Variants in MAF observed in about 807,000 individuals in gnomAD.
The protein encoded by MAF is transcription factor Maf.
In MAF, 10 loss-of-function variants were observed where a neutral mutation model predicts 22.0. That is an observed-to-expected ratio of 0.45 (90% CI 0.28 to 0.77). The LOEUF is 0.77. Ranked by LOEUF, MAF falls within the 30% of genes least tolerant of loss-of-function variation. MAF has a pLI of 0.12. For missense variants in MAF, 544 were observed against 548.4 expected (o/e 0.99, Z 0.08); for synonymous variants, 337 against 255.8 (o/e 1.32, Z -3.03).
downstream of MAF, among the ~76,000 whole-genome samples, chr16:79,584,771 G>C (rs1224522053): frequency 6.6e-6 from 1 of 152,134 alleles, no homozygotes; most frequent in Non-Finnish European, 1.5e-5. Context: ...AGCTATTAAA[G>C]AAAACATTAA....
At chr16:79,211,830 C>A in the MAF span, 3 of 1,613,102 alleles carry the variant, frequency 1.9e-6, no homozygotes, top group Non-Finnish European at 2.5e-6. Context: ...CACACACCCG[C>A]CCTGTGTGTG....
At chr16:79,228,555 T>G in the MAF span, among the ~76,000 whole-genome samples, 1 of 152,100 alleles carries the variant, frequency 6.6e-6, no homozygotes, top group Non-Finnish European at 1.5e-5. Flanking sequence ...TTGATCTTCC[T>G]GATCCCTGAG....
chr16:79,347,119 T>C, the MAF span, among the ~76,000 whole-genome samples: 1 of 152,208 alleles, frequency 6.6e-6, no homozygotes, highest in African/African-American at 2.4e-5. Flanking sequence ...TTCCTGTTCT[T>C]GTGAGAAACT....
the MAF span, among the ~76,000 whole-genome samples, chr16:79,396,799 G>A: frequency 6.6e-6 from 1 of 152,216 alleles, no homozygotes; most frequent in South Asian, 2.1e-4. Flanking sequence ...CCAGTAGCAG[G>A]TTTTTAAAGC....
the MAF span, among the ~76,000 whole-genome samples, chr16:79,374,329 A>G: frequency 6.6e-6 from 1 of 152,036 alleles, no homozygotes; most frequent in Non-Finnish European, 1.5e-5. Flanking sequence ...GTCTTATCTT[A>G]CCTTCTGCAT....
chr16:79,582,173 AC>A (rs1379748489), downstream of MAF, among the ~76,000 whole-genome samples: 5 of 152,142 alleles, frequency 3.3e-5, no homozygotes, highest in African/African-American at 4.8e-5. Context: ...AGAAGCCAAA[AC>A]TGCAGACACA....
rs539852214 is a variant in MAF at position 79,599,075 on chromosome 16, C to T, written c.828G>A (p.Arg276=). ...CCTCCTTGCTGACCCCGCGCAGCTG[C>T]CGGTTCAGCTCGCGCACAGACATGG... is the stretch of plus-strand genomic sequence containing the variant. ...LVTMSVRELN[R]QLRGVSKEEV... The change falls in exon 1 of 2, where the codon CGG becomes CGA. Residue 276 remains arginine, a synonymous_variant. Transcript: ENST00000326043. The T allele has an allele frequency of 2.1e-5, 34 of 1,610,594 alleles. No individual in the cohort carries two copies. The highest frequency in any genetic ancestry group is 3.3e-4 in the Middle Eastern group (2 of 6,052).
the MAF span, among the ~76,000 whole-genome samples, chr16:79,579,030 A>C: frequency 6.6e-6 from 1 of 152,188 alleles, no homozygotes; most frequent in Non-Finnish European, 1.5e-5. Flanking sequence ...CAAACCAGTA[A>C]AAATGCCAAC....
chr16:79,269,529 T>G, the MAF span, among the ~76,000 whole-genome samples: 3 of 152,090 alleles, frequency 2.0e-5, no homozygotes, highest in African/African-American at 7.2e-5. Context: ...GTCACCAGGC[T>G]TTAAAAAAAA....
At chr16:79,242,192 T>C in the MAF span, among the ~76,000 whole-genome samples, 1 of 151,876 alleles carries the variant, frequency 6.6e-6, no homozygotes, top group Non-Finnish European at 1.5e-5. Flanking sequence ...CATAACAGTA[T>C]TAACCTTAAA....
At chr16:79,399,655 A>G in the MAF span, among the ~76,000 whole-genome samples, 2 of 152,196 alleles carry the variant, frequency 1.3e-5, no homozygotes, top group East Asian at 1.9e-4. Context: ...GAAAGAACCA[A>G]TGATACAGTT....
the MAF span, among the ~76,000 whole-genome samples, chr16:79,341,486 G>T: frequency 6.6e-6 from 1 of 152,168 alleles, no homozygotes; most frequent in Non-Finnish European, 1.5e-5. Flanking sequence ...CACCTCTTTG[G>T]TAGATTGATT....
At chr16:79,431,295 G>A in the MAF span, among the ~76,000 whole-genome samples, 1 of 152,182 alleles carries the variant, frequency 6.6e-6, no homozygotes, top group African/African-American at 2.4e-5. Context: ...GGCTGCTGAG[G>A]ACAGAAGTTA....
At chr16:79,339,064 A>T in the MAF span, among the ~76,000 whole-genome samples, 2 of 151,564 alleles carry the variant, frequency 1.3e-5, no homozygotes, top group Middle Eastern at 6.3e-3. Context: ...TTTATTTTTT[A>T]TTTTTTAATT....
the MAF span, among the ~76,000 whole-genome samples, chr16:79,376,114 A>G: frequency 6.6e-6 from 1 of 152,274 alleles, no homozygotes; most frequent in Non-Finnish European, 1.5e-5. Flanking sequence ...TGGAGAGAAA[A>G]AAAAAAGAGC....
the MAF span, among the ~76,000 whole-genome samples, chr16:79,221,261 G>A: frequency 6.6e-6 from 1 of 152,188 alleles, no homozygotes; most frequent in Non-Finnish European, 1.5e-5. Flanking sequence ...GAAGTACTTG[G>A]CTTTGTGCTC....
chr16:79,546,379 A>G, the MAF span, among the ~76,000 whole-genome samples: 1 of 152,124 alleles, frequency 6.6e-6, no homozygotes, highest in East Asian at 1.9e-4. Context: ...CATATAACCT[A>G]ATTTATGCCA....
At chr16:79,487,733 T>A in the MAF span, among the ~76,000 whole-genome samples, 1 of 152,206 alleles carries the variant, frequency 6.6e-6, no homozygotes, top group African/African-American at 2.4e-5. Context: ...ACCTAATGCT[T>A]CTCAACTTCG....
chr16:79,229,715 G>T, the MAF span, among the ~76,000 whole-genome samples: 1 of 152,046 alleles, frequency 6.6e-6, no homozygotes, highest in Non-Finnish European at 1.5e-5. Flanking sequence ...CTATCTAGAG[G>T]AGTGCACCGA....
Sources: allele counts gnomAD v4.1 joint callset (sites outside exome capture counted in the v4.1 genomes callset), GRCh38; gene constraint gnomAD v4.1.1; transcripts MANE v1.5; gene names NCBI Gene and HGNC (gene_info 2026-07-23, HGNC 2026-07-21).